SLC14A2: variants seen among roughly 807,000 people sequenced by gnomAD.
SLC14A2 encodes urea transporter 2.
In SLC14A2, 91 loss-of-function variants were observed where a neutral mutation model predicts 104.6. That is an observed-to-expected ratio of 0.87 (90% CI 0.73 to 1.04). The LOEUF is 1.04. Ranked by LOEUF, SLC14A2 falls within the 50% of genes least tolerant of loss-of-function variation. SLC14A2 has a pLI of 0.00. For missense variants in SLC14A2, 1,189 were observed against 1,156.0 expected, an observed-to-expected ratio of 1.03 and a Z score of -0.41; for synonymous variants, 476 against 466.4, an observed-to-expected ratio of 1.02 and a Z score of -0.27.
chr18:45,474,840 A>G (rs941289583), intron 1 of SLC14A2, among the ~76,000 whole-genome samples: 5 of 152,080 alleles, frequency 3.3e-5, no homozygotes, highest in Non-Finnish European at 7.4e-5. Context: ...TCCTGGATTC[A>G]TTAATTTTTT....
At chr18:45,209,045 C>A (rs2187140), upstream of SLC14A2, among the ~76,000 whole-genome samples, 106,974 of 148,648 alleles carry the variant, frequency 0.72, 38,586 homozygotes, top group East Asian at 0.82. Flanking sequence ...AAAAAAACAA[C>A]AACAACTGTG....
chr18:45,667,922 A>G lies in SLC14A2; in HGVS notation c.1807A>G (p.Ile603Val). Reference protein sequence around the residue: ...FVNNPLSGILIILGLFIQNPW... With the variant: ...FVNNPLSGILVILGLFIQNPW... ...GAACAACCCCCTCAGCGGCATCCTC[A>G]TCATCCTCGGCCTCTTCATCCAGAA... Residue 603 changes from isoleucine (I) to valine (V), a missense_variant, in exon 14 of 20, where the codon ATC becomes GTC. Coordinates refer to ENST00000255226, the MANE Select transcript of SLC14A2 (RefSeq NM_007163.4). 6.2e-7 allele frequency: 1 copy of G among 1,613,932 alleles called. No individual in the cohort carries two copies. The highest frequency in any genetic ancestry group is 1.1e-5 in the South Asian group (1 of 91,068).
the SLC14A2 span, among the ~76,000 whole-genome samples, chr18:45,184,124 C>T: frequency 6.6e-6 from 1 of 151,708 alleles, no homozygotes; most frequent in African/African-American, 2.4e-5. Flanking sequence ...TTTCTGAGTG[C>T]TTGCAATCAT....
At chr18:45,257,847 G>T (rs2084495713) in intron 1 of SLC14A2, among the ~76,000 whole-genome samples, 1 of 152,150 alleles carries the variant, frequency 6.6e-6, no homozygotes. Flanking sequence ...TATGTGCATT[G>T]TTTTTCATGT....
chr18:45,600,039 G>T lies in SLC14A2; in HGVS notation c.-34-24592G>T, dbSNP rs183889383. ...CAAACAATATCAGAGCCCTTCTCAG[G>T]TACTTGCTCATCTGATCCCCACAAC... is the stretch of plus-strand genomic sequence containing the variant. On this transcript the variant is annotated intron_variant, in intron 2 of 20. Transcript: ENST00000586448. 7.9e-5 allele frequency among the ~76,000 whole-genome samples: 12 copies of T among 152,100 alleles called. No homozygotes were observed. The East Asian group carries it at 1.9e-3, about 25-fold the overall frequency.
rs181429684 is a variant in SLC14A2 at position 45,439,409 on chromosome 18, A to C, written c.-124-43824A>C. Among the ~76,000 whole-genome samples the C allele has an allele frequency of 5.7e-4, 87 of 152,172 alleles. 1 individual carries two copies. Among genetic ancestry groups the C allele is most frequent in the Non-Finnish European group, 5.9e-5 (4 of 68,024 alleles). ...CTCTCAGAGAAGTGTTCAGTAAAAA[A>C]ACTCTACTGATTCTCATGCTATGTA... On this transcript the variant is annotated intron_variant, in intron 1 of 20. Coordinates refer to the SLC14A2 transcript ENST00000586448.
At chr18:45,555,301 T>C (rs1416900344) in intron 2 of SLC14A2, among the ~76,000 whole-genome samples, 2 of 152,218 alleles carry the variant, frequency 1.3e-5, no homozygotes, top group South Asian at 2.1e-4. Flanking sequence ...TATAGTTTTA[T>C]ACACATGGTC....
chr18:45,662,149 A>G (rs2045946429), intron 10 of SLC14A2, among the ~76,000 whole-genome samples: 1 of 152,146 alleles, frequency 6.6e-6, no homozygotes, highest in East Asian at 1.9e-4. Flanking sequence ...CCAAAAATAG[A>G]AAAATTAGCC....
intron 2 of SLC14A2, among the ~76,000 whole-genome samples, chr18:45,598,309 A>G (rs1028067159): frequency 1.3e-5 from 2 of 152,026 alleles, no homozygotes; most frequent in Non-Finnish European, 2.9e-5. Flanking sequence ...ACAAAAAGAC[A>G]TTCAAGACCC....
At chr18:45,543,441 A>G (rs1477809190) in intron 2 of SLC14A2, among the ~76,000 whole-genome samples, 3 of 152,198 alleles carry the variant, frequency 2.0e-5, no homozygotes, top group Non-Finnish European at 2.9e-5. Context: ...ATACACATCA[A>G]AATAAATATA....
At chr18:45,293,235 G>A (rs1263411944) in intron 1 of SLC14A2, among the ~76,000 whole-genome samples, 1 of 152,116 alleles carries the variant, frequency 6.6e-6, no homozygotes, top group Non-Finnish European at 1.5e-5. Context: ...TGAGTTTATA[G>A]CCACATTTCA....
intron 1 of SLC14A2, among the ~76,000 whole-genome samples, chr18:45,244,131 G>C (rs567321554): frequency 2.6e-5 from 4 of 152,090 alleles, no homozygotes; most frequent in Non-Finnish European, 5.9e-5. Flanking sequence ...GCAAGTCTCC[G>C]AGCCCCCTGG....
intron 2 of SLC14A2, among the ~76,000 whole-genome samples, chr18:45,523,437 C>G (rs1814280): frequency 0.42 from 63,855 of 151,044 alleles, 15,300 homozygotes; most frequent in East Asian, 0.58. Context: ...TCAAGCGATT[C>G]TCCTGCCTCA....
At chr18:45,317,090 A>G (rs2085136794) in intron 1 of SLC14A2, among the ~76,000 whole-genome samples, 2 of 152,222 alleles carry the variant, frequency 1.3e-5, no homozygotes, top group South Asian at 4.1e-4. Context: ...ACAGCTTTCT[A>G]ATACCTCCTC....
chr18:45,673,122 A>C, intron 17 of SLC14A2, 75 bp downstream of exon 17: 4 of 1,369,312 alleles, frequency 2.9e-6, no homozygotes, highest in Non-Finnish European at 4.1e-6. Context: ...GGTGACTCTC[A>C]TCTTCAACAC....
At chr18:45,681,561 G>A (rs1184504221) in intron 19 of SLC14A2, among the ~76,000 whole-genome samples, 1 of 152,192 alleles carries the variant, frequency 6.6e-6, no homozygotes, top group Admixed American at 6.5e-5. Flanking sequence ...GAGAAAAAGA[G>A]CTGGAGATTG....
intron 10 of SLC14A2, among the ~76,000 whole-genome samples, chr18:45,660,896 C>G (rs933002119): frequency 6.6e-6 from 1 of 152,210 alleles, no homozygotes; most frequent in African/African-American, 2.4e-5. Context: ...GAGAAGTTTG[C>G]TATTTTATCT....
intron 2 of SLC14A2, among the ~76,000 whole-genome samples, chr18:45,531,342 C>T (rs200116149): frequency 0.16 from 24,308 of 151,674 alleles, 2,327 homozygotes; most frequent in African/African-American, 0.27. Flanking sequence ...CCTATTTCTC[C>T]ACATCCTCTC....
rs1392446791 is a variant in SLC14A2 at position 45,644,003 on chromosome 18, C to T, written c.1194C>T (p.Gly398=). The T allele has an allele frequency of 1.2e-6, 2 of 1,614,092 alleles. No homozygotes were observed. Among genetic ancestry groups the T allele is most frequent in the South Asian group, 1.1e-5 (1 of 91,068 alleles). ...NIMSVVGVPP[G]TWAFCLATII... Reference sequence around the variant, plus strand: ...GTTTCCAGGTGGGCGTGCCACCAGGCACCTGGGCCTTCTGCCTTGCCACCA... The same window carrying T: ...GTTTCCAGGTGGGCGTGCCACCAGGTACCTGGGCCTTCTGCCTTGCCACCA... Residue 398 remains glycine, a synonymous_variant, in exon 10 of 20, where the codon GGC becomes GGT. Coordinates refer to ENST00000255226, the MANE Select transcript of SLC14A2 (RefSeq NM_007163.4).
Sources: allele counts gnomAD v4.1 joint callset (sites outside exome capture counted in the v4.1 genomes callset), GRCh38; gene constraint gnomAD v4.1.1; transcripts MANE v1.5; gene names NCBI Gene and HGNC (gene_info 2026-07-23, HGNC 2026-07-21).